KLHL13: variants seen among roughly 807,000 people sequenced by gnomAD.
KLHL13 encodes the protein kelch like family member 13.
In KLHL13, 10 loss-of-function variants were observed where a neutral mutation model predicts 37.1. The ratio of observed to expected loss-of-function variants is 0.27; its 90% CI spans 0.17 to 0.46. The LOEUF (loss-of-function observed/expected upper bound fraction) is 0.46, where lower values mean the gene tolerates loss of function less well. Among genes scored for constraint, KLHL13 ranks in the 20% least tolerant of loss-of-function variants. KLHL13 has a pLI of 1.00. For missense variants in KLHL13, 360 were observed against 509.3 expected, an observed-to-expected ratio of 0.71 and a Z score of 2.82; for synonymous variants, 163 against 181.2, an observed-to-expected ratio of 0.90 and a Z score of 0.81.
At chrX:117,983,429 C>T (rs1257636045) in intron 1 of KLHL13, 4 of 760,160 alleles carry the variant, frequency 5.3e-6, no homozygotes, top group South Asian at 2.9e-5. Flanking sequence ...AAAACCAATT[C>T]GCACTGAAAA....
At chrX:117,914,164 G>A (rs1931185087) in intron 4 of KLHL13, 1 of 108,964 alleles carries the variant, frequency 9.2e-6, no homozygotes, top group Non-Finnish European at 1.9e-5. Context: ...TGAAATCTAG[G>A]ACTTTTTTTA....
chrX:117,968,415 A>C (rs2053472329), intron 1 of KLHL13, among the ~76,000 whole-genome samples: 1 of 111,662 alleles, frequency 9.0e-6, no homozygotes, highest in African/African-American at 3.2e-5. Flanking sequence ...GGTCACTTCT[A>C]TCTCTATGAT....
intron 2 of KLHL13, among the ~76,000 whole-genome samples, chrX:117,927,210 T>TA (rs982758572): frequency 8.1e-5 from 9 of 110,981 alleles, no homozygotes; most frequent in Non-Finnish European, 1.3e-4. Context: ...ACTTCTTTCT[T>TA]AAAGAGAAGA....
At chrX:118,031,444 GAT>G (rs780495503) in intron 1 of KLHL13, among the ~76,000 whole-genome samples, 31 of 84,868 alleles carry the variant, frequency 3.7e-4, no homozygotes, top group African/African-American at 1.7e-3. Flanking sequence ...TATATATTTA[GAT>G]ATATATATAG....
chrX:117,981,999 G>C (rs1019825614), intron 1 of KLHL13, among the ~76,000 whole-genome samples: 2 of 110,222 alleles, frequency 1.8e-5, no homozygotes, highest in Non-Finnish European at 3.8e-5. Context: ...ACTCTGCCTA[G>C]CCCAAAACCC....
intron 2 of KLHL13, 53 bp from the exon 4 acceptor site, chrX:117,920,423 A>G: frequency 8.8e-7 from 1 of 1,134,395 alleles, no homozygotes; most frequent in South Asian, 1.9e-5. Flanking sequence ...GAGGTTACAA[A>G]TCTTCGTGTG....
chrX:117,908,065 CATTA>C (rs1281864514), intron 5 of KLHL13, among the ~76,000 whole-genome samples: 32 of 99,765 alleles, frequency 3.2e-4, no homozygotes, highest in East Asian at 9.0e-4. Context: ...ACTACAAGGA[CATTA>C]TTTATTTATT....
chrX:118,031,539 A>AGATATATATAT (rs2054343813), intron 1 of KLHL13, among the ~76,000 whole-genome samples: 3 of 82,235 alleles, frequency 3.6e-5, no homozygotes, highest in African/African-American at 1.5e-4. Flanking sequence ...TTATATATAT[A>AGATATATATAT]TTAGTTATAT....
intron 1 of KLHL13, among the ~76,000 whole-genome samples, chrX:117,953,342 G>A (rs1933733189): frequency 1.8e-5 from 2 of 110,412 alleles, no homozygotes; most frequent in Admixed American, 1.9e-4. Context: ...CTCATAGATG[G>A]GAATTGAACA....
intron 1 of KLHL13, among the ~76,000 whole-genome samples, chrX:118,075,054 A>G (rs1014131413): frequency 8.9e-6 from 1 of 111,964 alleles, no homozygotes; most frequent in Admixed American, 9.6e-5. Flanking sequence ...AATACACTAC[A>G]GTTAATATTC....
intron 1 of KLHL13, among the ~76,000 whole-genome samples, chrX:117,971,017 T>C (rs1569429737): frequency 9.0e-6 from 1 of 111,528 alleles, no homozygotes; most frequent in South Asian, 3.7e-4. Flanking sequence ...TCTAAATTGA[T>C]TCACTCATAT....
At chrX:118,077,814 T>C (rs1028932063) in intron 1 of KLHL13, among the ~76,000 whole-genome samples, 1 of 111,362 alleles carries the variant, frequency 9.0e-6, no homozygotes, top group African/African-American at 3.3e-5. Flanking sequence ...GTATTCATAG[T>C]CATAGGGGCT....
chrX:118,085,945 AT>A (rs373996572), intron 1 of KLHL13, among the ~76,000 whole-genome samples: 3 of 105,397 alleles, frequency 2.8e-5, no homozygotes, highest in Non-Finnish European at 3.9e-5. Flanking sequence ...ATGAAGATGG[AT>A]TTTTTTTTTG....
chrX:118,021,322 G>C (rs1471907799), intron 1 of KLHL13, among the ~76,000 whole-genome samples: 6 of 104,643 alleles, frequency 5.7e-5, no homozygotes, highest in Admixed American at 4.1e-4. Flanking sequence ...CATGTGCCAT[G>C]TTGGTTTGCT....
intron 1 of KLHL13, among the ~76,000 whole-genome samples, chrX:117,953,549 A>G (rs1389207208): frequency 9.0e-6 from 1 of 110,953 alleles, no homozygotes; most frequent in African/African-American, 3.3e-5. Context: ...AACTTAAAGT[A>G]TAATAGTAAT....
At chrX:117,940,397 T>C (rs1277308751) in intron 2 of KLHL13, among the ~76,000 whole-genome samples, 1 of 111,901 alleles carries the variant, frequency 8.9e-6, no homozygotes, top group Non-Finnish European at 1.9e-5. Context: ...CTTTGTTCTT[T>C]TTGCTTAGGA....
At chrX:117,948,145 C>A (rs1933413090) in intron 1 of KLHL13, among the ~76,000 whole-genome samples, 1 of 111,471 alleles carries the variant, frequency 9.0e-6, no homozygotes, top group East Asian at 2.8e-4. Context: ...CAGGACAGTT[C>A]TCTAGGTCAA....
intron 5 of KLHL13, among the ~76,000 whole-genome samples, chrX:117,903,258 A>G (rs1455196713): frequency 9.1e-6 from 1 of 110,378 alleles, no homozygotes; most frequent in Non-Finnish European, 1.9e-5. Context: ...TTCACTACGC[A>G]AAGTATGCTT....
At chrX:118,106,019 A>C (rs1216453437) in intron 1 of KLHL13, among the ~76,000 whole-genome samples, 1 of 100,828 alleles carries the variant, frequency 9.9e-6, no homozygotes, top group Non-Finnish European at 2.0e-5. Flanking sequence ...CTCCTGCCTC[A>C]GCCTCCCGAG....
Sources: gnomAD v4.1 joint callset for allele counts (sites outside exome capture counted in the v4.1 genomes callset) on GRCh38, gnomAD v4.1.1 for gene constraint, MANE v1.5 for transcripts, NCBI Gene and HGNC (gene_info 2026-07-23, HGNC 2026-07-21) for gene names.